Variants in CCDC6 observed in about 807,000 individuals in gnomAD.
The protein encoded by CCDC6 is coiled-coil domain containing 6.
CCDC6 carries 20 observed loss-of-function variants against 56.6 expected under a neutral mutation model. The ratio of observed to expected loss-of-function variants is 0.35; its 90% CI spans 0.25 to 0.51. The LOEUF (loss-of-function observed/expected upper bound fraction) is 0.51, where lower values mean the gene tolerates loss of function less well. CCDC6 is among the 20% of genes least tolerant of loss of function. CCDC6 has a pLI of 0.95. For synonymous variants in CCDC6, 241 were observed against 234.4 expected, an observed-to-expected ratio of 1.03 and a Z score of -0.26; for missense variants, 367 against 601.1, an observed-to-expected ratio of 0.61 and a Z score of 4.07.
At position 59,791,958 on chromosome 10, in the gene CCDC6, A is replaced by G; in HGVS notation, c.*959T>C. ...GGCCATTATGCCAAGATAATGCGAT[A>G]ATGTCCATTTCAAATAGTATTTTCT... is the stretch of plus-strand genomic sequence containing the variant. On this transcript the variant is annotated 3_prime_UTR_variant, in exon 9 of 9. Transcript: ENST00000263102. 1 of 221,442 alleles carries G rather than the reference A, an allele frequency of 4.5e-6. No homozygotes were observed. Among genetic ancestry groups the G allele is most frequent in the Non-Finnish European group, 9.1e-6 (1 of 110,406 alleles). The allele number at this position is 221,442 out of a possible 1,614,324, so 13.7% of individuals were successfully genotyped here. A position where few individuals can be genotyped will look rare whatever the true frequency, so the allele number is the denominator to read the frequency against.
chr10:59,788,896 A>G lies in CCDC6; in HGVS notation c.*4021T>C. The G allele has an allele frequency of 4.8e-6, 1 of 210,124 alleles. No individual in the cohort carries two copies. Among genetic ancestry groups the G allele is most frequent in the East Asian group, 7.2e-5 (1 of 13,978 alleles). 13.0% of individuals were successfully genotyped at this position (210,124 alleles called of 1,614,324 possible). On this transcript the variant is annotated 3_prime_UTR_variant, in exon 9 of 9. Coordinates refer to ENST00000263102, the MANE Select transcript of CCDC6 (RefSeq NM_005436.5). The stretch of plus-strand genomic sequence containing the variant: ...CTAAACTCTGACCAAGAATGTCAAG[A>G]TTGCCACTATTACCAGAACTCCAAC...
rs1452275773 is a variant in CCDC6, at chr10:59,791,554, G to C, written c.*1363C>G. On this transcript the variant is annotated 3_prime_UTR_variant, in exon 9 of 9. Coordinates refer to ENST00000263102, the MANE Select transcript of CCDC6 (RefSeq NM_005436.5). ...AAAATTACTGATAAATTACTTTTCA[G>C]TTCTCTGATTATATCCAACAGATAC... The C allele has an allele frequency of 5.1e-6, 1 of 196,260 alleles. No individual in the cohort carries two copies. Among genetic ancestry groups the C allele is most frequent in the Non-Finnish European group, 1.1e-5 (1 of 94,386 alleles). The allele number at this position is 196,260 out of a possible 1,614,324, so 12.2% of individuals were successfully genotyped here. A position where few individuals can be genotyped will look rare whatever the true frequency, so the allele number is the denominator to read the frequency against.
intron 2 of CCDC6, among the ~76,000 whole-genome samples, chr10:59,851,683 T>C (rs1642556947): frequency 6.6e-6 from 1 of 152,188 alleles, no homozygotes; most frequent in South Asian, 2.1e-4. Context: ...CACTAATATA[T>C]ATACTTCAAG....
intron 1 of CCDC6, among the ~76,000 whole-genome samples, chr10:59,891,712 C>T (rs2071423390): frequency 6.6e-6 from 1 of 152,170 alleles, no homozygotes; most frequent in South Asian, 2.1e-4. Flanking sequence ...CTAGAGGCCC[C>T]ACAACTCTGA....
rs915783567 is a variant in CCDC6, at chr10:59,906,135, G to A, written c.290C>T (p.Ala97Val). 6.2e-7 allele frequency: 1 copy of A among 1,600,842 alleles called. No homozygotes were observed. The highest frequency in any genetic ancestry group is 8.5e-7 in the Non-Finnish European group (1 of 1,171,836). The change falls in exon 1 of 9, where the codon GCC becomes GTC. Residue 97 changes from alanine (A) to valine (V), a missense_variant. By Grantham distance (64) the Ala-to-Val change is moderately conservative (BLOSUM62 0). This residue lies in a region of CCDC6 where 41 missense variants were observed against 90.8 expected (regional missense o/e 0.45). Transcript: ENST00000263102. ...LQEENRDLRK[A>V]SVTIQARAEQ... ...GGGGGCACTCACGATGGTCACGCTG[G>A]CTTTGCGCAGGTCGCGGTTCTCCTC...
At chr10:59,890,717 A>C (rs989478366) in intron 1 of CCDC6, among the ~76,000 whole-genome samples, 2 of 151,658 alleles carry the variant, frequency 1.3e-5, no homozygotes, top group African/African-American at 2.4e-5. Context: ...TTTCTTTTTT[A>C]TTTATTTATT....
At chr10:59,814,779 C>A (rs763486919) in intron 3 of CCDC6, 24 bp from the exon 4 acceptor site, 1 of 1,464,724 alleles carries the variant, frequency 6.8e-7, no homozygotes, top group Non-Finnish European at 9.6e-7. Flanking sequence ...AAAAGTGTTA[C>A]CAAAGTGTCA....
At chr10:59,858,917 C>T (rs187064355) in intron 1 of CCDC6, among the ~76,000 whole-genome samples, 1 of 152,198 alleles carries the variant, frequency 6.6e-6, no homozygotes, top group Non-Finnish European at 1.5e-5. Context: ...TTGACTCACA[C>T]TGCCTGGTTT....
At chr10:59,817,970 G>C (rs2070721072) in intron 3 of CCDC6, among the ~76,000 whole-genome samples, 1 of 152,140 alleles carries the variant, frequency 6.6e-6, no homozygotes, top group Admixed American at 6.5e-5. Context: ...GAAACCACTA[G>C]CCTGCAAGAT....
chr10:59,882,027 G>C (rs28489380), intron 1 of CCDC6, among the ~76,000 whole-genome samples: 104 of 99,872 alleles, frequency 1.0e-3, no homozygotes, highest in Middle Eastern at 0.01. Context: ...GGAAAGCCGC[G>C]GGGAGAAGGA....
chr10:59,894,968 T>C (rs916436694), intron 1 of CCDC6, among the ~76,000 whole-genome samples: 5 of 152,136 alleles, frequency 3.3e-5, no homozygotes, highest in South Asian at 2.1e-4. Flanking sequence ...CAGAACTGTA[T>C]AGGAACTTCT....
intron 2 of CCDC6, among the ~76,000 whole-genome samples, chr10:59,849,268 A>G (rs2071018666): frequency 6.6e-6 from 1 of 152,204 alleles, no homozygotes; most frequent in Non-Finnish European, 1.5e-5. Flanking sequence ...AGATAAAGAT[A>G]CAATTTTGTG....
chr10:59,886,152 G>C (rs1312833678), intron 1 of CCDC6, among the ~76,000 whole-genome samples: 1 of 152,140 alleles, frequency 6.6e-6, no homozygotes, highest in Non-Finnish European at 1.5e-5. Flanking sequence ...TCTTTAAGCA[G>C]GGGAAATGGA....
At chr10:59,857,700 T>A (rs1420784184) in intron 1 of CCDC6, among the ~76,000 whole-genome samples, 1 of 152,152 alleles carries the variant, frequency 6.6e-6, no homozygotes, top group African/African-American at 2.4e-5. Context: ...AGAATTACTT[T>A]TAAGTTAGTT....
intron 3 of CCDC6, among the ~76,000 whole-genome samples, chr10:59,820,459 C>T (rs993444979): frequency 6.6e-6 from 1 of 152,060 alleles, no homozygotes; most frequent in Admixed American, 6.5e-5. Context: ...ATTATAACTA[C>T]GACATGTACT....
chr10:59,834,086 G>T (rs539348073), intron 2 of CCDC6, among the ~76,000 whole-genome samples: 20 of 152,188 alleles, frequency 1.3e-4, no homozygotes, highest in African/African-American at 4.8e-4. Context: ...CTTGCCCAGG[G>T]GATGCAACGT....
intron 1 of CCDC6, among the ~76,000 whole-genome samples, chr10:59,879,596 C>T (rs903950038): frequency 4.0e-5 from 6 of 150,278 alleles, no homozygotes; most frequent in Admixed American, 2.7e-4. Context: ...TATCCCATCT[C>T]GGCAAAATTG....
At chr10:59,862,993 A>AG (rs1456416033) in intron 1 of CCDC6, among the ~76,000 whole-genome samples, 6 of 152,234 alleles carry the variant, frequency 3.9e-5, no homozygotes. Context: ...CCTACTCAGA[A>AG]GAAAAACAGT....
intron 3 of CCDC6, among the ~76,000 whole-genome samples, chr10:59,824,356 T>C (rs2070770013): frequency 6.6e-6 from 1 of 152,138 alleles, no homozygotes; most frequent in African/African-American, 2.4e-5. Flanking sequence ...CTGAAGCTTC[T>C]TTTGAGTATG....
Sources: gnomAD v4.1 joint callset for allele counts (sites outside exome capture counted in the v4.1 genomes callset) on GRCh38, gnomAD v4.1.1 for gene constraint, gnomAD v4.1.1 regional missense constraint, MANE v1.5 for transcripts, NCBI Gene and HGNC (gene_info 2026-07-23, HGNC 2026-07-21) for gene names.